Variants in TRMT13 observed in about 807,000 individuals in gnomAD.
The protein encoded by TRMT13 is tRNA methyltransferase 13.
Under a neutral mutation model 55.9 loss-of-function variants are expected in TRMT13, and 45 were observed. The ratio of observed to expected loss-of-function variants is 0.80; its 90% CI spans 0.63 to 1.03. The LOEUF (loss-of-function observed/expected upper bound fraction) is 1.03, where lower values mean the gene tolerates loss of function less well. Ranked by LOEUF, TRMT13 falls within the 50% of genes least tolerant of loss-of-function variation. The probability of loss-of-function intolerance (pLI) is 0.00; values close to 1 mark genes in which losing one functional copy is unlikely to be tolerated. For synonymous variants in TRMT13, 183 were observed against 196.3 expected, an observed-to-expected ratio of 0.93 and a Z score of 0.57; for missense variants, 513 against 563.9, an observed-to-expected ratio of 0.91 and a Z score of 0.91.
chr1:100,149,192 T>G lies in TRMT13; in HGVS notation c.*372T>G. The G allele has an allele frequency of 2.0e-6, 3 of 1,509,562 alleles. No individual in the cohort carries two copies. Among genetic ancestry groups the G allele is most frequent in the South Asian group, 2.6e-5 (2 of 75,644 alleles). The allele number at this position is 1,509,562 out of a possible 1,614,324, so 93.5% of individuals were successfully genotyped here. ...TTCCTTTGATTTTATTTAATATTTT[T>G]TATTTCTTAAGTTCAAGAGGTAGTG... On this transcript the variant is annotated 3_prime_UTR_variant, in exon 11 of 11. Coordinates refer to ENST00000370141, the MANE Select transcript of TRMT13 (RefSeq NM_019083.3).
At position 100,148,683 on chromosome 1, in the gene TRMT13, C is replaced by G; in HGVS notation, c.1309C>G (p.Gln437Glu). The change falls in exon 11 of 11, where the codon CAA becomes GAA. Residue 437 changes from glutamine (Q) to glutamate (E), a missense_variant. Around this residue, in one of 3 missense-constraint regions of TRMT13, gnomAD observed 209 missense variants for 255.8 expected, o/e 0.82. Transcript: ENST00000370141. ...IGHLCKLLID[Q>E]GRIQYLQQKG... ...GCATCTTTGTAAATTGCTGATTGAC[C>G]AAGGTCGAATCCAGTATTTGCAGCA... The G allele has an allele frequency of 6.2e-7, 1 of 1,613,242 alleles. No individual in the cohort carries two copies. Among genetic ancestry groups the G allele is most frequent in the East Asian group, 2.2e-5 (1 of 44,770 alleles).
intron 1 of TRMT13, 88 bp from the exon 2 acceptor site, chr1:100,136,794 G>T (rs1655932873): frequency 3.3e-6 from 4 of 1,227,194 alleles, no homozygotes; most frequent in Non-Finnish European, 4.5e-6. Context: ...CTTGTTTTGA[G>T]ATTACAGAGA....
rs530286120 is a variant in TRMT13, at chr1:100,148,386, T to G, written c.1250+60T>G. The G allele has an allele frequency of 1.8e-4, 262 of 1,448,358 alleles. 1 individual carries two copies. In the South Asian group the frequency reaches 3.2e-3, roughly 18 times the overall value. 89.7% of individuals were successfully genotyped at this position (1,448,358 alleles called of 1,614,324 possible). On this transcript the variant is annotated intron_variant, in intron 10 of 10. Coordinates refer to ENST00000370141, the MANE Select transcript of TRMT13 (RefSeq NM_019083.3). ...GGAGAAATATTATATTGTACTGTAC[T>G]TTAGATGACTATTATCAACAATTCA...
In TRMT13 at chr1:100,148,050, A is replaced by C; in HGVS notation, c.974A>C (p.Asn325Thr). The C allele has an allele frequency of 6.2e-7, 1 of 1,614,188 alleles. No individual in the cohort carries two copies. Among genetic ancestry groups the C allele is most frequent in the Non-Finnish European group, 8.5e-7 (1 of 1,180,030 alleles). ...GAAAAAAATGTCCCAGAGAAGTGGAACCCTGTGGCTGGCATTGTTATTGCA... is the reference window on the plus strand; with the variant it reads ...GAAAAAAATGTCCCAGAGAAGTGGACCCCTGTGGCTGGCATTGTTATTGCA... ...GNEKNVPEKW[N>T]PVAGIVIALC... The change falls in exon 10 of 11, where the codon AAC (asparagine) becomes ACC (threonine). Residue 325 changes from asparagine to threonine, a missense_variant. Around this residue, in one of 3 missense-constraint regions of TRMT13, gnomAD observed 209 missense variants for 255.8 expected, o/e 0.82. Coordinates refer to ENST00000370141, the MANE Select transcript of TRMT13 (RefSeq NM_019083.3).
In TRMT13 at chr1:100,144,067, A is replaced by G. The variant is rs1253385722; in HGVS notation, c.743-2A>G. 1.2e-6 allele frequency: 2 copies of G among 1,611,456 alleles called. No homozygotes were observed. Among genetic ancestry groups the G allele is most frequent in the Non-Finnish European group, 1.7e-6 (2 of 1,177,894 alleles). ...GACAGTTAATTCTCATTTCCATTTCAGACAAGATTCCTGTGCTAAGAGAAG... is the reference window on the plus strand; with the variant it reads ...GACAGTTAATTCTCATTTCCATTTCGGACAAGATTCCTGTGCTAAGAGAAG... On this transcript the variant is annotated splice_acceptor_variant, in intron 8 of 10. Transcript: ENST00000370141. LOFTEE classifies it high-confidence loss of function.
In TRMT13 at chr1:100,137,086, G is replaced by C; in HGVS notation, c.261+1G>C. 1 of 1,610,776 alleles carries C rather than the reference G, an allele frequency of 6.2e-7. No homozygotes were observed. Among genetic ancestry groups the C allele is most frequent in the Non-Finnish European group, 8.5e-7 (1 of 1,178,742 alleles). On this transcript the variant is annotated splice_donor_variant, in intron 3 of 10. Transcript: ENST00000370141. LOFTEE classifies it high-confidence loss of function. ...TAACTCAAGAGAGAAACCAAAACCT[G>C]TAAGTGTTTGATCAGTAAAATTGAA...
At chr1:100,140,787 C>T (rs1656514952) in intron 6 of TRMT13, 65 bp from the exon 7 acceptor site, 1 of 1,446,408 alleles carries the variant, frequency 6.9e-7, no homozygotes. Flanking sequence ...AATTACCTTG[C>T]TGTTTTCCCA....
intron 1 of TRMT13, among the ~76,000 whole-genome samples, chr1:100,134,439 C>T (rs559967804): frequency 1.3e-5 from 2 of 152,240 alleles, no homozygotes; most frequent in South Asian, 4.1e-4. Flanking sequence ...GGAATTTATT[C>T]TTCTAGACAA....
intron 10 of TRMT13, 38 bp downstream of exon 10, chr1:100,148,364 G>C: frequency 6.4e-7 from 1 of 1,558,094 alleles, no homozygotes; most frequent in Non-Finnish European, 8.8e-7. Flanking sequence ...TACTAAAGGA[G>C]AAATATTATA....
chr1:100,140,948 G>T lies in TRMT13; in HGVS notation c.598G>T (p.Val200Phe). The T allele has an allele frequency of 6.2e-7, 1 of 1,613,806 alleles. No homozygotes were observed. The highest frequency in any genetic ancestry group is 8.5e-7 in the Non-Finnish European group (1 of 1,179,842). The change falls in exon 7 of 11, where the codon GTT (valine) becomes TTT (phenylalanine). Residue 200 changes from valine to phenylalanine, a missense_variant. Val to Phe is a conservative substitution (Grantham distance 50). Transcript: ENST00000370141. ...GGGAAAGGGAAAATTATCTCATTGG[G>T]TTGATATTGCCTTAAAAGATGCTGA... is the stretch of plus-strand genomic sequence containing the variant. ...GAGKGKLSHW[V>F]DIALKDAEKV... is the part of the protein sequence containing the mutation.
intron 3 of TRMT13, among the ~76,000 whole-genome samples, chr1:100,138,722 C>T (rs1408512535): frequency 2.0e-5 from 3 of 152,182 alleles, no homozygotes; most frequent in South Asian, 2.1e-4. Context: ...AGATCCACAC[C>T]GTTCAGTATG....
Position 100,149,145 on chromosome 1 carries a change from G to GT in TRMT13, c.*326dup. ...ACACATAATTAGCGTATTTCTGTTT[G>GT]TATTAATTTTGGAAATTTATCTTCC... On this transcript the variant is annotated 3_prime_UTR_variant, in exon 11 of 11. Coordinates refer to ENST00000370141, the MANE Select transcript of TRMT13 (RefSeq NM_019083.3). 1 of 1,563,606 alleles carries GT rather than the reference G, an allele frequency of 6.4e-7. No individual in the cohort carries two copies. The highest frequency in any genetic ancestry group is 8.6e-7 in the Non-Finnish European group (1 of 1,163,076).
chr1:100,148,978 C>T lies in TRMT13; in HGVS notation c.*158C>T. The T allele has an allele frequency of 7.2e-7, 1 of 1,395,450 alleles. No homozygotes were observed. Among genetic ancestry groups the T allele is most frequent in the Non-Finnish European group, 9.5e-7 (1 of 1,050,418 alleles). 86.4% of individuals were successfully genotyped at this position (1,395,450 alleles called of 1,614,324 possible). ...TTGGTAATAGCTTTTCTTTTTACTTCAGAAATCCAAACATTAGAGAATTCA... is the reference window on the plus strand; with the variant it reads ...TTGGTAATAGCTTTTCTTTTTACTTTAGAAATCCAAACATTAGAGAATTCA... On this transcript the variant is annotated 3_prime_UTR_variant, in exon 11 of 11. Transcript: ENST00000370141.
chr1:100,137,038 C>T lies in TRMT13; in HGVS notation c.214C>T (p.Leu72=). 3 of 1,612,486 alleles carry T rather than the reference C, an allele frequency of 1.9e-6. No individual in the cohort carries two copies. Among genetic ancestry groups the T allele is most frequent in the Non-Finnish European group, 2.5e-6 (3 of 1,179,584 alleles). The part of the protein sequence containing the change: ...DPKHTVYEDQ[L]AKHLKKCNSR... The stretch of plus-strand genomic sequence containing the variant: ...ATTTAGCACAGTATATGAAGATCAA[C>T]TAGCAAAGCATTTGAAAAAATGTAA... The change falls in exon 3 of 11, where the codon CTA becomes TTA. Residue 72 remains leucine, a synonymous_variant. Coordinates refer to ENST00000370141, the MANE Select transcript of TRMT13 (RefSeq NM_019083.3).
intron 9 of TRMT13, chr1:100,144,389 C>T (rs1656978627): frequency 3.4e-6 from 1 of 296,042 alleles, no homozygotes; most frequent in South Asian, 8.5e-5. Flanking sequence ...CCTTAAAGTT[C>T]TTTGGGTTAA....
intron 1 of TRMT13, among the ~76,000 whole-genome samples, chr1:100,133,922 T>A (rs72971892): frequency 0.041 from 6,270 of 151,704 alleles, 321 homozygotes; most frequent in African/African-American, 0.12. Context: ...GCTACTAAAA[T>A]TAAGAAAATC....
chr1:100,147,144 A>G (rs141681877), intron 9 of TRMT13, among the ~76,000 whole-genome samples: 97 of 152,330 alleles, frequency 6.4e-4, no homozygotes, highest in East Asian at 1.9e-3. Context: ...AGTATTGTCA[A>G]CAGTGTAGGA....
chr1:100,138,024 T>G (rs1257278380), intron 3 of TRMT13, among the ~76,000 whole-genome samples: 1 of 152,136 alleles, frequency 6.6e-6, no homozygotes, highest in African/African-American at 2.4e-5. Flanking sequence ...GAGAAAAGTT[T>G]GAGAGGATAG....
At position 100,136,078 on chromosome 1, in the gene TRMT13, T is replaced by C. The variant is rs149216931; in HGVS notation, c.148-804T>C. ...TATCTAGGTTTGTGTTACTATACTGTATGATGTTCTCCCAATGACAAAATC... is the reference window on the plus strand; with the variant it reads ...TATCTAGGTTTGTGTTACTATACTGCATGATGTTCTCCCAATGACAAAATC... On this transcript the variant is annotated intron_variant, in intron 1 of 10. Transcript: ENST00000370141. Among the ~76,000 whole-genome samples the C allele has an allele frequency of 2.4e-3, 368 of 152,308 alleles. 1 individual carries two copies. Among genetic ancestry groups the C allele is most frequent in the Middle Eastern group, 0.017 (5 of 294 alleles).
Sources: gnomAD v4.1 joint callset for allele counts (sites outside exome capture counted in the v4.1 genomes callset) on GRCh38, gnomAD v4.1.1 for gene constraint, gnomAD v4.1.1 regional missense constraint, MANE v1.5 for transcripts, NCBI Gene and HGNC (gene_info 2026-07-23, HGNC 2026-07-21) for gene names.